The following NLRC5 variants were observed in gnomAD, a reference collection of about 807,000 sequenced individuals.
NLRC5 encodes protein NLRC5.
NLRC5 carries 114 observed loss-of-function variants against 206.9 expected under a neutral mutation model. The observed-to-expected ratio is 0.55, with a 90% CI of 0.47 to 0.64. NLRC5 has a LOEUF of 0.64. Ranked by LOEUF, NLRC5 falls within the 30% of genes least tolerant of loss-of-function variation. The pLI, the probability that NLRC5 is intolerant of heterozygous loss-of-function variation, is 0.00. For missense variants in NLRC5, 2,008 were observed against 2,305.5 expected (o/e 0.87, Z 2.64); for synonymous variants, 952 against 962.8 (o/e 0.99, Z 0.21).
At chr16:57,059,129 G>A in intron 29 of NLRC5, 68 bp downstream of exon 29, 2 of 1,611,492 alleles carry the variant, frequency 1.2e-6, no homozygotes, top group Non-Finnish European at 1.7e-6. Context: ...CTGATGATGG[G>A]AGAAGCAAGG....
rs757039412 is a variant in NLRC5 at position 57,037,225 on chromosome 16, G to A, written c.2742G>A (p.Gly914=). Residue 914 remains glycine (G), a synonymous_variant, in exon 15 of 49, where the codon GGG becomes GGA. Coordinates refer to ENST00000688547, the MANE Select transcript of NLRC5 (RefSeq NM_001384950.1). ...DLSNNGLSVA[G]VHCVLRAVSA... ...GTAACAACGGGCTTTCTGTGGCCGG[G>A]GTGCATTGTGTGCTGAGGGCCGTGA... is the stretch of plus-strand genomic sequence containing the variant. 1 of 1,613,828 alleles carries A rather than the reference G, an allele frequency of 6.2e-7. No individual in the cohort carries two copies. Among genetic ancestry groups the A allele is most frequent in the Non-Finnish European group, 8.5e-7 (1 of 1,179,966 alleles).
chr16:57,001,522 G>T (rs1015256974), intron 1 of NLRC5, among the ~76,000 whole-genome samples: 7 of 152,340 alleles, frequency 4.6e-5, no homozygotes, highest in East Asian at 3.9e-4. Context: ...GGCGTCAGGG[G>T]CTGGAGAGAC....
At chr16:57,045,358 C>T (rs1234876069) in intron 20 of NLRC5, 90 bp from the exon 21 acceptor site, 2 of 1,315,270 alleles carry the variant, frequency 1.5e-6, no homozygotes, top group Non-Finnish European at 2.2e-6. Context: ...ACCCCAGGCC[C>T]TCCTTGCCCT....
intron 38 of NLRC5, among the ~76,000 whole-genome samples, chr16:57,072,338 A>G (rs2067886138): frequency 6.6e-6 from 1 of 152,110 alleles, no homozygotes; most frequent in Non-Finnish European, 1.5e-5. Context: ...GCCCCACCCT[A>G]AAGCAATCAC....
chr16:57,002,314 A>AT (rs2058350555), intron 1 of NLRC5, among the ~76,000 whole-genome samples: 1 of 151,246 alleles, frequency 6.6e-6, no homozygotes, highest in Non-Finnish European at 1.5e-5. Context: ...TGCCCTGTTA[A>AT]TTTTTGTACT....
intron 6 of NLRC5, among the ~76,000 whole-genome samples, chr16:57,027,497 G>A (rs1457083237): frequency 6.6e-6 from 1 of 152,218 alleles, no homozygotes; most frequent in Non-Finnish European, 1.5e-5. Flanking sequence ...CTAGGCTGCA[G>A]TAACAGAGAA....
rs569964035 is a variant in NLRC5, at chr16:57,078,943, G to T, written c.5082-107G>T. On this transcript the variant is annotated intron_variant, in intron 43 of 48. Coordinates refer to ENST00000688547, the MANE Select transcript of NLRC5 (RefSeq NM_001384950.1). Reference sequence around the variant, plus strand: ...CAGGTCCTGTGTGGATGGGGAATTAGCCAGAGACTGTCTACGGGCTGGCAC... The same window carrying T: ...CAGGTCCTGTGTGGATGGGGAATTATCCAGAGACTGTCTACGGGCTGGCAC... 162 of 1,014,794 alleles carry T rather than the reference G, an allele frequency of 1.6e-4. 2 individuals carry two copies. The South Asian group carries it at 2.3e-3, about 15-fold the overall frequency. 62.9% of individuals were successfully genotyped at this position (1,014,794 alleles called of 1,614,324 possible). A position where few individuals can be genotyped will look rare whatever the true frequency, so the allele number is the denominator to read the frequency against.
In NLRC5 at chr16:57,028,012, G is replaced by A. The variant is rs113162434; in HGVS notation, c.2076-60G>A. The A allele has an allele frequency of 3.9e-3, 4,749 of 1,205,948 alleles. 128 individuals are homozygous for A. In the African/African-American group the frequency reaches 0.061, roughly 16 times the overall value. 74.7% of individuals were successfully genotyped at this position (1,205,948 alleles called of 1,614,324 possible). On this transcript the variant is annotated intron_variant, in intron 6 of 48. Coordinates refer to ENST00000688547, the MANE Select transcript of NLRC5 (RefSeq NM_001384950.1). ...AGCCCCATCTCTCTGAGGGGATGGC[G>A]ATGACTTCTCAGCTCTGCCCAGCAC...
At chr16:57,024,315 G>A (rs907272690) in intron 5 of NLRC5, among the ~76,000 whole-genome samples, 1 of 152,220 alleles carries the variant, frequency 6.6e-6, no homozygotes, top group African/African-American at 2.4e-5. Context: ...GCCAGTGAGA[G>A]AAGAAAGGGG....
intron 27 of NLRC5, among the ~76,000 whole-genome samples, chr16:57,057,430 A>G (rs769916492): frequency 1.3e-5 from 2 of 152,252 alleles, no homozygotes; most frequent in Non-Finnish European, 2.9e-5. Context: ...TCTCAAAATA[A>G]ATAAATAAAT....
chr16:57,014,442 A>G (rs1268774590), intron 1 of NLRC5, among the ~76,000 whole-genome samples: 1 of 152,156 alleles, frequency 6.6e-6, no homozygotes, highest in East Asian at 1.9e-4. Flanking sequence ...TAGCCTTTTG[A>G]TAGAATTGCC....
chr16:57,008,669 A>G (rs2059172828), intron 1 of NLRC5, among the ~76,000 whole-genome samples: 1 of 152,218 alleles, frequency 6.6e-6, no homozygotes, highest in African/African-American at 2.4e-5. Flanking sequence ...TATAATTTCA[A>G]TCTACTTAGC....
intron 11 of NLRC5, among the ~76,000 whole-genome samples, chr16:57,033,239 T>A (rs1420472032): frequency 2.0e-5 from 3 of 152,192 alleles, no homozygotes; most frequent in Non-Finnish European, 4.4e-5. Context: ...AACCTTCGAT[T>A]TTACACCTAT....
intron 32 of NLRC5, chr16:57,062,388 A>G: frequency 3.0e-6 from 1 of 330,586 alleles, no homozygotes; most frequent in South Asian, 2.5e-5. Flanking sequence ...GATCTGTCAC[A>G]TCTGGTCTGC....
intron 5 of NLRC5, 147 bp from the exon 6 acceptor site, chr16:57,025,221 C>T: frequency 1.5e-6 from 2 of 1,370,146 alleles, no homozygotes; most frequent in South Asian, 3.4e-5. Context: ...ACAGATCCCC[C>T]TATGGTGCTC....
chr16:57,072,405 C>G (rs1371061241), intron 38 of NLRC5, among the ~76,000 whole-genome samples: 1 of 152,142 alleles, frequency 6.6e-6, no homozygotes, highest in Non-Finnish European at 1.5e-5. Flanking sequence ...GCATGCACAC[C>G]CTATCTTCTG....
In NLRC5 at chr16:57,079,236, CCTGG is replaced by C; in HGVS notation, c.5186_5189del (p.Ala1729GlufsTer16). On this transcript the variant is annotated frameshift_variant, in exon 45 of 49. Transcript: ENST00000688547. LOFTEE classifies it high-confidence loss of function. ...TACCCTGCAGCTTGGCGGAAAACAA[CCTGG>C]CTGGAGGGGTCCTGCGTTTCTGTAT... 1 of 1,613,900 alleles carries C rather than the reference CCTGG, an allele frequency of 6.2e-7. No homozygotes were observed. The highest frequency in any genetic ancestry group is 8.5e-7 in the Non-Finnish European group (1 of 1,180,012).
chr16:57,080,834 T>C, intron 46 of NLRC5: 1 of 446,594 alleles, frequency 2.2e-6, no homozygotes, highest in Admixed American at 4.0e-5. Context: ...GCATCTTAAA[T>C]ACAGGAGGTA....
rs548174525 is a variant in NLRC5, at chr16:57,048,008, A to G, written c.3422+380A>G. The G allele has an allele frequency of 2.3e-5, 5 of 214,624 alleles. No individual in the cohort carries two copies. The East Asian group carries it at 5.4e-4, about 23-fold the overall frequency. 13.3% of individuals were successfully genotyped at this position (214,624 alleles called of 1,614,324 possible). A position where few individuals can be genotyped will look rare whatever the true frequency, so the allele number is the denominator to read the frequency against. The stretch of plus-strand genomic sequence containing the variant: ...GAAAGCCCTTCCTCAAGGCACCCCC[A>G]CTCTCCTTGGGGTTACCACCTCACT... On this transcript the variant is annotated intron_variant, in intron 23 of 48. Coordinates refer to ENST00000688547, the MANE Select transcript of NLRC5 (RefSeq NM_001384950.1).
Sources: allele counts gnomAD v4.1 joint callset (sites outside exome capture counted in the v4.1 genomes callset), GRCh38; gene constraint gnomAD v4.1.1; transcripts MANE v1.5; gene names NCBI Gene and HGNC (gene_info 2026-07-23, HGNC 2026-07-21).